STX3: variants seen among roughly 807,000 people sequenced by gnomAD.
The protein encoded by STX3 is syntaxin 3.
STX3 carries 19 observed loss-of-function variants against 40.2 expected under a neutral mutation model. The ratio of observed to expected loss-of-function variants is 0.47; its 90% confidence interval spans 0.33 to 0.69. STX3 has a LOEUF of 0.69. Ranked by LOEUF, STX3 falls within the 30% of genes least tolerant of loss-of-function variation. The probability of loss-of-function intolerance (pLI) is 0.02; values close to 1 mark genes in which losing one functional copy is unlikely to be tolerated. For missense variants in STX3, 364 were observed against 366.7 expected (o/e 0.99, Z 0.06); for synonymous variants, 122 against 132.2 (o/e 0.92, Z 0.53).
chr11:59,760,022 C>T (rs1177182459), intron 1 of STX3, among the ~76,000 whole-genome samples: 1 of 152,174 alleles, frequency 6.6e-6, no homozygotes, highest in Non-Finnish European at 1.5e-5. Flanking sequence ...CCCCTCTTCT[C>T]TGTACCTGGG....
chr11:59,791,989 A>G lies in STX3; in HGVS notation c.358-118A>G. 3 of 835,288 alleles carry G rather than the reference A, an allele frequency of 3.6e-6. No individual in the cohort carries two copies. The South Asian group carries it at 4.5e-5, about 12-fold the overall frequency. 51.7% of individuals were successfully genotyped at this position (835,288 alleles called of 1,614,324 possible). A position where few individuals can be genotyped will look rare whatever the true frequency, so the allele number is the denominator to read the frequency against. On this transcript the variant is annotated intron_variant, in intron 5 of 10. Transcript: ENST00000337979. The stretch of plus-strand genomic sequence containing the variant: ...TAGGAAACAAAAAACTTGGTTTGAC[A>G]CCTGGTTTTTTGATTCCAAGTCCAG...
intron 9 of STX3, 74 bp downstream of exon 9, chr11:59,795,556 C>G (rs752722302): frequency 1.9e-5 from 29 of 1,551,016 alleles, no homozygotes; most frequent in Non-Finnish European, 2.4e-5. Context: ...TCTTCCCTCT[C>G]CCTGTCTCTG....
At chr11:59,788,669 G>C (rs899172095) in intron 3 of STX3, among the ~76,000 whole-genome samples, 4 of 152,150 alleles carry the variant, frequency 2.6e-5, no homozygotes, top group Non-Finnish European at 5.9e-5. Flanking sequence ...TCTGTAGACT[G>C]AGATGGGGTG....
intron 8 of STX3, 35 bp from the exon 9 acceptor site, chr11:59,795,337 G>T (rs117785627): frequency 7.6e-6 from 12 of 1,569,860 alleles, no homozygotes; most frequent in Non-Finnish European, 9.6e-6. Flanking sequence ...GACCTGAGAC[G>T]TTTACTTGGT....
chr11:59,766,028 G>A (rs531719274), intron 1 of STX3, among the ~76,000 whole-genome samples: 9 of 152,314 alleles, frequency 5.9e-5, no homozygotes, highest in South Asian at 4.2e-4. Flanking sequence ...CCCCACTGTG[G>A]GAAGTTAAGG....
chr11:59,775,412 G>C (rs1379660099), intron 2 of STX3, among the ~76,000 whole-genome samples: 1 of 152,194 alleles, frequency 6.6e-6, no homozygotes, highest in Non-Finnish European at 1.5e-5. Context: ...CTGCCTTGGA[G>C]AACCAGATAC....
In STX3 at chr11:59,805,774, TTGCTAA is replaced by T. The variant is rs1235349335; in HGVS notation, c.*4951_*4956del. 1.3e-5 allele frequency: 2 copies of T among 152,570 alleles called. No homozygotes were observed. Among genetic ancestry groups the T allele is most frequent in the Non-Finnish European group, 2.9e-5 (2 of 68,278 alleles). 9.5% of individuals were successfully genotyped at this position (152,570 alleles called of 1,614,324 possible). ...TTCTAACTTTTGTCATCGGTTCCTT[TTGCTAA>T]AAGGCAAAGGGTATGTTCCTTGCCT... On this transcript the variant is annotated 3_prime_UTR_variant, in exon 11 of 11. Transcript: ENST00000337979.
rs576156272 is a variant in STX3 at position 59,774,197 on chromosome 11, A to G, written c.114+903A>G. On this transcript the variant is annotated intron_variant, in intron 2 of 10. Transcript: ENST00000337979. ...TTGTAGAGGCAGTAGTATATCGTGG[A>G]TGAAAACACTGGCTTTCGAGCTGGG... Among the ~76,000 whole-genome samples the G allele has an allele frequency of 1.4e-3, 220 of 152,220 alleles. 1 individual carries two copies. The highest frequency in any genetic ancestry group is 2.7e-3 in the Non-Finnish European group (182 of 68,000).
In STX3 at chr11:59,795,484, T is replaced by TGAGA; in HGVS notation, c.786+3_786+6dup. On this transcript the variant is annotated splice_region_variant and intron_variant, in intron 9 of 10. Transcript: ENST00000337979. ...AAATACCAGAGTCAGGCCCGGAAGG[T>TGAGA]GAGACTCTCCTGTGGCCTTCAGAGA... 1 of 1,609,444 alleles carries TGAGA rather than the reference T, an allele frequency of 6.2e-7. No homozygotes were observed. Among genetic ancestry groups the TGAGA allele is most frequent in the East Asian group, 2.2e-5 (1 of 44,836 alleles).
At position 59,755,543 on chromosome 11, in the gene STX3, G is replaced by T; in HGVS notation, c.-63G>T. On this transcript the variant is annotated 5_prime_UTR_variant, in exon 1 of 11. Transcript: ENST00000337979. Reference sequence around the variant, plus strand: ...CCGCTTCCGGCAGCTCACCTGGGAAGCGCTCACCTGGGACGCGCTCACCTG... The same window carrying T: ...CCGCTTCCGGCAGCTCACCTGGGAATCGCTCACCTGGGACGCGCTCACCTG... The T allele has an allele frequency of 6.4e-7, 1 of 1,561,530 alleles. No homozygotes were observed. Among genetic ancestry groups the T allele is most frequent in the Non-Finnish European group, 8.6e-7 (1 of 1,160,722 alleles).
intron 1 of STX3, among the ~76,000 whole-genome samples, chr11:59,771,403 T>TCCCCCCCCCCCCCCCCCCCCCCCCCC (rs1367914976): frequency 2.9e-5 from 1 of 34,698 alleles, no homozygotes; most frequent in Non-Finnish European, 5.6e-5. Flanking sequence ...TCCCCCCACC[T>TCCCCCCCCCCCCCCCCCCCCCCCCCC]CCCCCCCCCC....
chr11:59,780,441 T>C (rs1224454512), intron 2 of STX3, among the ~76,000 whole-genome samples: 1 of 152,132 alleles, frequency 6.6e-6, no homozygotes, highest in Non-Finnish European at 1.5e-5. Context: ...ATATATCCTG[T>C]GTTTAAGCCA....
intron 1 of STX3, among the ~76,000 whole-genome samples, chr11:59,756,316 T>G (rs1032131248): frequency 1.3e-5 from 2 of 152,228 alleles, no homozygotes; most frequent in Non-Finnish European, 2.9e-5. Context: ...ATGGGAATGA[T>G]CATACCCTAG....
intron 1 of STX3, among the ~76,000 whole-genome samples, chr11:59,758,184 C>G (rs1862834698): frequency 6.6e-6 from 1 of 152,046 alleles, no homozygotes; most frequent in Non-Finnish European, 1.5e-5. Flanking sequence ...TGTAAGAAAG[C>G]GTTTTTAGTA....
At chr11:59,780,932 C>T (rs1327062597) in intron 2 of STX3, among the ~76,000 whole-genome samples, 1 of 152,132 alleles carries the variant, frequency 6.6e-6, no homozygotes, top group Non-Finnish European at 1.5e-5. Flanking sequence ...TTTCATTGGT[C>T]AGTATAATTC....
chr11:59,800,302 C>T, intron 10 of STX3: 1 of 985,396 alleles, frequency 1.0e-6, no homozygotes, highest in Non-Finnish European at 1.2e-6. Context: ...AGTAATGTGC[C>T]AGCTGCTTGC....
intron 1 of STX3, among the ~76,000 whole-genome samples, chr11:59,770,441 G>A: frequency 6.6e-6 from 1 of 151,796 alleles, no homozygotes; most frequent in East Asian, 1.9e-4. Flanking sequence ...ATATACTTGA[G>A]GTCTGTCCCC....
In STX3 at chr11:59,797,398, T is replaced by G; in HGVS notation, c.*30+2T>G. ...CCTAAGAGGCTGCTGCACTGAAATGTAAGTAAACGAGTGGTTCTTGGGGAC... is the reference window on the plus strand; with the variant it reads ...CCTAAGAGGCTGCTGCACTGAAATGGAAGTAAACGAGTGGTTCTTGGGGAC... On this transcript the variant is annotated splice_donor_variant, in intron 10 of 10. Coordinates refer to ENST00000337979, the MANE Select transcript of STX3 (RefSeq NM_004177.5). LOFTEE classifies it low-confidence loss of function (3UTR_SPLICE). 2.5e-6 allele frequency: 4 copies of G among 1,611,414 alleles called. No individual in the cohort carries two copies. The highest frequency in any genetic ancestry group is 3.4e-6 in the Non-Finnish European group (4 of 1,178,102).
chr11:59,786,780 T>A (rs779290915), intron 2 of STX3, among the ~76,000 whole-genome samples: 13 of 152,172 alleles, frequency 8.5e-5, no homozygotes, highest in Non-Finnish European at 1.9e-4. Context: ...TTGGCCTGAA[T>A]CCTTTCATCC....
Sources: gnomAD v4.1 joint callset for allele counts (sites outside exome capture counted in the v4.1 genomes callset) on GRCh38, gnomAD v4.1.1 for gene constraint, MANE v1.5 for transcripts, NCBI Gene and HGNC (gene_info 2026-07-23, HGNC 2026-07-21) for gene names.